HHIP: variants seen among roughly 807,000 people sequenced by gnomAD.
The protein encoded by HHIP is hedgehog-interacting protein.
A neutral mutation model predicts 74.0 loss-of-function variants in HHIP; 12 were observed. The ratio of observed to expected loss-of-function variants is 0.16; its 90% CI spans 0.10 to 0.26. HHIP has a LOEUF of 0.26. Ranked by LOEUF, HHIP falls within the 10% of genes least tolerant of loss-of-function variation. The pLI, the probability that HHIP is intolerant of heterozygous loss-of-function variation, is 1.00. For synonymous variants in HHIP, 309 were observed against 311.6 expected, an observed-to-expected ratio of 0.99 and a Z score of 0.09; for missense variants, 788 against 845.0, an observed-to-expected ratio of 0.93 and a Z score of 0.84.
Position 144,658,705 on chromosome 4 carries a change from C to T in HHIP, c.473-85C>T, listed in dbSNP as rs1728616294. ...AATATCCACCTAGTTTCCCAAAATTCTTTTCCTCATCTTATATCTTTCAAA... is the reference window on the plus strand; with the variant it reads ...AATATCCACCTAGTTTCCCAAAATTTTTTTCCTCATCTTATATCTTTCAAA... On this transcript the variant is annotated intron_variant, in intron 2 of 12. Transcript: ENST00000296575. 2.2e-5 allele frequency: 25 copies of T among 1,155,346 alleles called. 1 individual carries two copies. The South Asian group carries it at 4.1e-4, about 19-fold the overall frequency. 71.6% of individuals were successfully genotyped at this position (1,155,346 alleles called of 1,614,324 possible).
At chr4:144,669,539 AC>A (rs1475325796) in intron 4 of HHIP, among the ~76,000 whole-genome samples, 6 of 152,342 alleles carry the variant, frequency 3.9e-5, no homozygotes, top group Non-Finnish European at 7.3e-5. Context: ...CTCAGCTTCA[AC>A]TTACAGAAAA....
chr4:144,664,778 A>G (rs554834637), intron 4 of HHIP, among the ~76,000 whole-genome samples: 2 of 152,336 alleles, frequency 1.3e-5, no homozygotes, highest in South Asian at 4.1e-4. Context: ...GTTAAATATT[A>G]CAATAGAAGA....
chr4:144,684,232 ATTTTTTTTTTTTTTTTTTTTTTTTTT>A (rs1174297815), intron 4 of HHIP, among the ~76,000 whole-genome samples: 34 of 63,002 alleles, frequency 5.4e-4, no homozygotes, highest in African/African-American at 1.7e-3. Flanking sequence ...AAAAAAAAGA[ATTTTTTTTTTTTTTTTTTTTTTTTTT>A]TTTTTTTTTT....
rs1728660382 is a variant in HHIP at position 144,659,773 on chromosome 4, C to A, written c.766C>A (p.Pro256Thr). 1 of 1,611,770 alleles carries A rather than the reference C, an allele frequency of 6.2e-7. No individual in the cohort carries two copies. Among genetic ancestry groups the A allele is most frequent in the African/African-American group, 1.3e-5 (1 of 74,770 alleles). ...AGAAGGTTATGTGAAGATACTTACC[C>A]CTGAAGGAGAAATTTTCAAGGAGCC... ...EKEGYVKILT[P>T]EGEIFKEPYL... Residue 256 changes from proline (P) to threonine (T), a missense_variant, in exon 4 of 13, where the codon CCT (proline) becomes ACT (threonine). By Grantham distance (38) the Pro-to-Thr change is conservative. This residue lies in a region of HHIP where 373 missense variants were observed against 366.4 expected (regional missense o/e 1.02). Coordinates refer to ENST00000296575, the MANE Select transcript of HHIP (RefSeq NM_022475.3).
intron 11 of HHIP, among the ~76,000 whole-genome samples, chr4:144,725,672 G>GTGTA (rs1205876762): frequency 6.4e-4 from 98 of 152,144 alleles, no homozygotes; most frequent in African/African-American, 2.3e-3. Context: ...GCGTGTGTGT[G>GTGTA]TGTGTGTGTG....
At chr4:144,718,258 A>G (rs1730519249) in intron 10 of HHIP, among the ~76,000 whole-genome samples, 1 of 152,176 alleles carries the variant, frequency 6.6e-6, no homozygotes, top group Admixed American at 6.6e-5. Context: ...AAGGGGGGAA[A>G]AAATGAACCT....
chr4:144,729,564 G>A (rs1018519527), intron 11 of HHIP, among the ~76,000 whole-genome samples: 1 of 152,170 alleles, frequency 6.6e-6, no homozygotes, highest in Non-Finnish European at 1.5e-5. Context: ...GTTAGAGCCT[G>A]AGATTCTGCA....
chr4:144,702,850 A>C (rs572202998), intron 4 of HHIP, among the ~76,000 whole-genome samples: 12 of 152,320 alleles, frequency 7.9e-5, no homozygotes, highest in African/African-American at 2.9e-4. Flanking sequence ...TATAATGTGA[A>C]TATTTAGACA....
At chr4:144,692,240 C>T (rs928621702) in intron 4 of HHIP, among the ~76,000 whole-genome samples, 1 of 152,044 alleles carries the variant, frequency 6.6e-6, no homozygotes, top group African/African-American at 2.4e-5. Context: ...TCCCCCAAGT[C>T]AAACAGCCTG....
chr4:144,673,307 A>G (rs1158449116), intron 4 of HHIP, among the ~76,000 whole-genome samples: 2 of 152,236 alleles, frequency 1.3e-5, no homozygotes, highest in Non-Finnish European at 2.9e-5. Context: ...CAAAATTTAT[A>G]CCTTCTTTCT....
chr4:144,726,507 C>CATTATAAATGTA (rs1187596030), intron 11 of HHIP, among the ~76,000 whole-genome samples: 1 of 152,068 alleles, frequency 6.6e-6, no homozygotes, highest in Non-Finnish European at 1.5e-5. Flanking sequence ...AAATACTGTA[C>CATTATAAATGTA]CATAACCCTG....
chr4:144,673,500 T>A (rs1560700964), intron 4 of HHIP, among the ~76,000 whole-genome samples: 1 of 152,168 alleles, frequency 6.6e-6, no homozygotes, highest in Non-Finnish European at 1.5e-5. Flanking sequence ...TAAAGACTGT[T>A]TGAATGAGAC....
chr4:144,654,646 A>C (rs1036419195), intron 2 of HHIP, among the ~76,000 whole-genome samples: 22 of 152,176 alleles, frequency 1.4e-4, no homozygotes, highest in African/African-American at 5.3e-4. Flanking sequence ...AAGTACAATA[A>C]ATAAGATGCT....
At chr4:144,693,998 A>G (rs960677355) in intron 4 of HHIP, among the ~76,000 whole-genome samples, 7 of 151,980 alleles carry the variant, frequency 4.6e-5, no homozygotes, top group East Asian at 1.9e-4. Flanking sequence ...AATTTTTCAT[A>G]TTAAAAATGA....
intron 8 of HHIP, among the ~76,000 whole-genome samples, chr4:144,712,719 G>A (rs940305886): frequency 1.3e-5 from 2 of 151,926 alleles, no homozygotes; most frequent in Non-Finnish European, 2.9e-5. Flanking sequence ...CCTTTTGAAG[G>A]AAGCAATATA....
chr4:144,678,205 T>G (rs919550819), intron 4 of HHIP, among the ~76,000 whole-genome samples: 1 of 152,168 alleles, frequency 6.6e-6, no homozygotes, highest in African/African-American at 2.4e-5. Flanking sequence ...AATAACAGAA[T>G]TATATCAGGA....
intron 2 of HHIP, among the ~76,000 whole-genome samples, chr4:144,653,369 G>T (rs1054710509): frequency 6.6e-6 from 1 of 152,074 alleles, no homozygotes; most frequent in Non-Finnish European, 1.5e-5. Flanking sequence ...CTGAGCCTTG[G>T]GAGAAGTCAA....
chr4:144,665,694 AATAAGT>A (rs1187125234), intron 4 of HHIP, among the ~76,000 whole-genome samples: 1 of 152,168 alleles, frequency 6.6e-6, no homozygotes, highest in Non-Finnish European at 1.5e-5. Flanking sequence ...AAAACCTTTC[AATAAGT>A]ATAAGTGTGC....
At position 144,707,158 on chromosome 4, in the gene HHIP, A is replaced by G. The variant is rs1730170701; in HGVS notation, c.1055A>G (p.His352Arg). 3.7e-6 allele frequency: 6 copies of G among 1,614,018 alleles called. No individual in the cohort carries two copies. In the East Asian group the frequency reaches 1.3e-4, roughly 36 times the overall value. ...FLEVAELHRK[H>R]LGGQLLFGPD... ...GAAGTTGCAGAACTCCACAGAAAGC[A>G]TCTGGGAGGACAACTGCTCTTTGGC... The change falls in exon 6 of 13, where the codon CAT becomes CGT. Residue 352 changes from histidine (H) to arginine (R), a missense_variant. His to Arg is a conservative substitution (Grantham distance 29). Around this residue, in one of 3 missense-constraint regions of HHIP, gnomAD observed 72 missense variants for 130.6 expected, o/e 0.55. Transcript: ENST00000296575.
Sources: allele counts gnomAD v4.1 joint callset (sites outside exome capture counted in the v4.1 genomes callset), GRCh38; gene constraint gnomAD v4.1.1; regional missense constraint gnomAD v4.1.1; transcripts MANE v1.5; gene names NCBI Gene and HGNC (gene_info 2026-07-23, HGNC 2026-07-21).